Variants in ABCC4 observed in about 807,000 individuals in gnomAD.
ABCC4 encodes the protein ATP-binding cassette sub-family C member 4.
Under a neutral mutation model 168.5 loss-of-function variants are expected in ABCC4, and 102 were observed. The observed-to-expected ratio is 0.61, with a 90% CI of 0.52 to 0.71. The LOEUF is 0.71. Among genes scored for constraint, ABCC4 ranks in the 30% least tolerant of loss-of-function variants. The probability of loss-of-function intolerance (pLI) is 0.00; values close to 1 mark genes in which losing one functional copy is unlikely to be tolerated. For synonymous variants in ABCC4, 617 were observed against 590.7 expected (o/e 1.04, Z -0.65); for missense variants, 1,402 against 1,605.8 (o/e 0.87, Z 2.17).
chr13:95,293,620 C>T (rs192449030), intron 1 of ABCC4, among the ~76,000 whole-genome samples: 233 of 151,608 alleles, frequency 1.5e-3, no homozygotes, highest in African/African-American at 5.2e-3. Context: ...GTGCATGCCA[C>T]CACGCCCAGC....
rs866646739 is a variant in ABCC4, at chr13:95,136,383, G to A, written c.2456-20382C>T. Among the ~76,000 whole-genome samples, 6 of 152,098 alleles carry A rather than the reference G, an allele frequency of 3.9e-5. No individual in the cohort carries two copies. In the South Asian group the frequency reaches 1.2e-3, roughly 32 times the overall value. ...TTACCCAGGCTGGTCTCAAACTCCTGACCTCAAGTGATCCACCCACCTTGG... is the reference window on the plus strand; with the variant it reads ...TTACCCAGGCTGGTCTCAAACTCCTAACCTCAAGTGATCCACCCACCTTGG... On this transcript the variant is annotated intron_variant, in intron 19 of 30. Transcript: ENST00000645237.
chr13:95,097,275 G>A (rs1209010748), intron 20 of ABCC4, among the ~76,000 whole-genome samples: 1 of 152,074 alleles, frequency 6.6e-6, no homozygotes, highest in Non-Finnish European at 1.5e-5. Flanking sequence ...GAGACTAACA[G>A]AAGACAAATA....
chr13:95,151,521 A>C (rs1208712962), intron 19 of ABCC4, among the ~76,000 whole-genome samples: 1 of 144,726 alleles, frequency 6.9e-6, no homozygotes, highest in Non-Finnish European at 1.5e-5. Context: ...GGAAAGAAGG[A>C]AGAAGGAAGA....
chr13:95,248,062 G>A (rs541492074), intron 1 of ABCC4, among the ~76,000 whole-genome samples: 1 of 152,226 alleles, frequency 6.6e-6, no homozygotes, highest in African/African-American at 2.4e-5. Flanking sequence ...AGAGCTTCCT[G>A]AAGAAATAGC....
intron 24 of ABCC4, among the ~76,000 whole-genome samples, chr13:95,072,923 C>G (rs2033780785): frequency 6.6e-6 from 1 of 152,150 alleles, no homozygotes; most frequent in South Asian, 2.1e-4. Flanking sequence ...AGCTTATATC[C>G]TCTCTAGAAT....
intron 1 of ABCC4, among the ~76,000 whole-genome samples, chr13:95,293,938 A>G (rs1031992562): frequency 4.6e-5 from 7 of 151,900 alleles, no homozygotes; most frequent in African/African-American, 1.7e-4. Flanking sequence ...TGCCACCATG[A>G]AAGAAGGCAG....
intron 1 of ABCC4, among the ~76,000 whole-genome samples, chr13:95,275,503 C>G (rs1280093839): frequency 6.6e-6 from 1 of 152,168 alleles, no homozygotes; most frequent in Non-Finnish European, 1.5e-5. Flanking sequence ...TCCCCCATCC[C>G]CTTGTTGGCT....
In ABCC4 at chr13:95,091,206, A is replaced by C. The variant is rs904588705; in HGVS notation, c.2536-7916T>G. Among the ~76,000 whole-genome samples the C allele has an allele frequency of 3.9e-5, 6 of 152,238 alleles. 1 individual carries two copies. Among genetic ancestry groups the C allele is most frequent in the Non-Finnish European group, 8.8e-5 (6 of 68,044 alleles). ...TCCTGAGGAAGAAGAGAATTCTAAA[A>C]GCTTGGAAAACATATTTGGGCAAAT... is the stretch of plus-strand genomic sequence containing the variant. On this transcript the variant is annotated intron_variant, in intron 20 of 30. Transcript: ENST00000645237.
At chr13:95,219,573 C>T (rs1362500450) in intron 4 of ABCC4, among the ~76,000 whole-genome samples, 3 of 152,148 alleles carry the variant, frequency 2.0e-5, no homozygotes, top group African/African-American at 7.2e-5. Context: ...GTGGCATGAT[C>T]GCAGCTCACT....
At chr13:95,178,117 G>C in intron 11 of ABCC4, 26 bp from the exon 12 acceptor site, 2 of 1,593,708 alleles carry the variant, frequency 1.3e-6, no homozygotes, top group South Asian at 2.2e-5. Flanking sequence ...AAAGAAGGGG[G>C]GAAAAAGAGA....
chr13:95,132,453 T>G (rs528128534), intron 19 of ABCC4, among the ~76,000 whole-genome samples: 4 of 152,174 alleles, frequency 2.6e-5, no homozygotes, highest in African/African-American at 9.6e-5. Context: ...TGGCCTCAAG[T>G]TGATCCACCC....
intron 7 of ABCC4, among the ~76,000 whole-genome samples, chr13:95,207,398 T>C (rs1282370724): frequency 6.6e-6 from 1 of 152,256 alleles, no homozygotes; most frequent in Non-Finnish European, 1.5e-5. Flanking sequence ...TGAAAAATAC[T>C]GATTCATATA....
intron 1 of ABCC4, 72 bp downstream of exon 1, chr13:95,301,169 G>C (rs1204976323): frequency 7.1e-7 from 1 of 1,413,500 alleles, no homozygotes; most frequent in Non-Finnish European, 9.6e-7. Flanking sequence ...GCAGCATCGG[G>C]CGCGGCCCCG....
intron 30 of ABCC4, among the ~76,000 whole-genome samples, chr13:95,027,785 AAAGG>A (rs1221486338): frequency 5.9e-5 from 9 of 152,332 alleles, no homozygotes; most frequent in African/African-American, 1.9e-4. Context: ...TAAAAGGTAA[AAAGG>A]AATACTAAAA....
chr13:95,096,403 G>T (rs1282821645), intron 20 of ABCC4, among the ~76,000 whole-genome samples: 1 of 151,822 alleles, frequency 6.6e-6, no homozygotes, highest in African/African-American at 2.4e-5. Flanking sequence ...AAAAGAGAAA[G>T]AAAAGAAAAG....
intron 3 of ABCC4, among the ~76,000 whole-genome samples, chr13:95,239,580 T>C (rs1486494795): frequency 2.6e-5 from 4 of 152,278 alleles, no homozygotes; most frequent in Middle Eastern, 3.4e-3. Context: ...AGACTCCCAC[T>C]AGCCAAAGAC....
At chr13:95,224,174 T>A in intron 4 of ABCC4, among the ~76,000 whole-genome samples, 4 of 99,778 alleles carry the variant, frequency 4.0e-5, no homozygotes, top group South Asian at 3.3e-4. Context: ...CTCTAAAAAA[T>A]CAGTATCAAA....
intron 19 of ABCC4, among the ~76,000 whole-genome samples, chr13:95,158,476 G>A (rs1367966757): frequency 6.6e-6 from 1 of 152,160 alleles, no homozygotes; most frequent in Non-Finnish European, 1.5e-5. Flanking sequence ...CCCAAGGTGA[G>A]CTTACTGGAA....
chr13:95,182,165 A>C (rs2037919443), intron 11 of ABCC4, among the ~76,000 whole-genome samples: 1 of 152,192 alleles, frequency 6.6e-6, no homozygotes, highest in African/African-American at 2.4e-5. Flanking sequence ...ACAACAACAA[A>C]AAGGCATAAC....
Sources: allele counts gnomAD v4.1 joint callset (sites outside exome capture counted in the v4.1 genomes callset), GRCh38; gene constraint gnomAD v4.1.1; transcripts MANE v1.5; gene names NCBI Gene and HGNC (gene_info 2026-07-23, HGNC 2026-07-21).